The following RANBP2 variants were observed in gnomAD, a reference collection of about 807,000 sequenced individuals.
RANBP2 encodes the protein RAN binding protein 2.
RANBP2 carries 57 observed loss-of-function variants against 303.6 expected under a neutral mutation model. The ratio of observed to expected loss-of-function variants is 0.19; its 90% confidence interval spans 0.15 to 0.23. The LOEUF (loss-of-function observed/expected upper bound fraction) is 0.23. Ranked by LOEUF, RANBP2 falls within the 10% of genes least tolerant of loss-of-function variation. RANBP2 has a pLI of 1.00. For synonymous variants in RANBP2, 1,167 were observed against 1,301.5 expected (o/e 0.90, Z 2.23); for missense variants, 3,138 against 3,780.8 (o/e 0.83, Z 4.46).
At chr2:109,481,081 C>T in the RANBP2 span, among the ~76,000 whole-genome samples, 1 of 152,224 alleles carries the variant, frequency 6.6e-6, no homozygotes, top group South Asian at 2.1e-4. Flanking sequence ...TTCTCACCTG[C>T]TGCTGCCAAA....
At chr2:109,343,625 C>G in the RANBP2 span, among the ~76,000 whole-genome samples, 1 of 152,166 alleles carries the variant, frequency 6.6e-6, no homozygotes, top group African/African-American at 2.4e-5. Context: ...GCTCTCAGTA[C>G]CAGACTCGAG....
At chr2:108,847,368 G>A in the RANBP2 span, among the ~76,000 whole-genome samples, 208 of 152,332 alleles carry the variant, frequency 1.4e-3, no homozygotes, top group Non-Finnish European at 2.5e-3. Context: ...CAGTGACAGA[G>A]TTGAGTAGTT....
At chr2:109,777,347 TTAATC>T in the RANBP2 span, among the ~76,000 whole-genome samples, 14 of 147,686 alleles carry the variant, frequency 9.5e-5, no homozygotes, top group South Asian at 2.9e-3. Flanking sequence ...TTAATAGACT[TTAATC>T]TATTAATATA....
At chr2:109,668,676 A>G in the RANBP2 span, among the ~76,000 whole-genome samples, 1 of 152,232 alleles carries the variant, frequency 6.6e-6, no homozygotes, top group African/African-American at 2.4e-5. Flanking sequence ...AAGCAAAATG[A>G]AGGAAATGAT....
the RANBP2 span, among the ~76,000 whole-genome samples, chr2:109,177,107 A>G: frequency 6.6e-6 from 1 of 152,184 alleles, no homozygotes; most frequent in African/African-American, 2.4e-5. Context: ...TTACTGGGAA[A>G]GTCACTCGTG....
the RANBP2 span, among the ~76,000 whole-genome samples, chr2:109,655,543 C>G: frequency 1.3e-5 from 2 of 152,136 alleles, no homozygotes; most frequent in Admixed American, 6.5e-5. Context: ...ACTGCGGAGA[C>G]AGTGAGGCCT....
chr2:108,832,458 C>T, the RANBP2 span, among the ~76,000 whole-genome samples: 1 of 151,404 alleles, frequency 6.6e-6, no homozygotes, highest in Non-Finnish European at 1.5e-5. Flanking sequence ...AGCGATTCTC[C>T]TGCCTCGGCC....
the RANBP2 span, among the ~76,000 whole-genome samples, chr2:109,584,474 C>CA: frequency 0.37 from 26,516 of 71,078 alleles, 4,969 homozygotes; most frequent in East Asian, 0.45. Flanking sequence ...GACTCTGTCT[C>CA]AAAAAAAAAA....
chr2:109,051,680 G>A, the RANBP2 span, among the ~76,000 whole-genome samples: 11 of 151,974 alleles, frequency 7.2e-5, no homozygotes, highest in African/African-American at 2.7e-4. Flanking sequence ...AGGGCATTTG[G>A]CTGGCTAAGA....
chr2:109,713,784 T>C, the RANBP2 span, among the ~76,000 whole-genome samples: 2 of 152,322 alleles, frequency 1.3e-5, no homozygotes, highest in Admixed American at 1.3e-4. Flanking sequence ...ACATCATGAT[T>C]GAAAGCTCTC....
chr2:108,773,037 G>C lies in RANBP2; in HGVS notation c.8283G>C (p.Gln2761His), dbSNP rs1677619587. The C allele has an allele frequency of 3.7e-6, 6 of 1,610,868 alleles. No homozygotes were observed. The highest frequency in any genetic ancestry group is 4.2e-6 in the Non-Finnish European group (5 of 1,178,034). The change falls in exon 23 of 29, where the codon CAG becomes CAC. Residue 2761 changes from glutamine to histidine, a missense_variant. Physicochemically the swap from Gln to His is conservative, Grantham distance 24. Coordinates refer to ENST00000283195, the MANE Select transcript of RANBP2 (RefSeq NM_006267.5). ...TTCAATCAGAGCTTCAAAAAGTTCA[G>C]GAAGCTCAAGTAAGAACATCTCTAA... ...EDFQSELQKV[Q>H]EAQKSQTEEI...
chr2:109,117,727 C>T, the RANBP2 span, among the ~76,000 whole-genome samples: 39 of 132,706 alleles, frequency 2.9e-4, no homozygotes, highest in Non-Finnish European at 5.3e-4. Flanking sequence ...TCTTCTGCGT[C>T]GCTCACGTTG....
chr2:109,001,508 G>A, the RANBP2 span, among the ~76,000 whole-genome samples: 1 of 152,194 alleles, frequency 6.6e-6, no homozygotes, highest in Non-Finnish European at 1.5e-5. Context: ...GGACAAGAAG[G>A]GAGAGGGGGA....
At chr2:109,047,141 C>T in the RANBP2 span, among the ~76,000 whole-genome samples, 1 of 152,174 alleles carries the variant, frequency 6.6e-6, no homozygotes, top group African/African-American at 2.4e-5. Flanking sequence ...TTGCTTCCTG[C>T]CCTATGCCAC....
intron 9 of RANBP2, among the ~76,000 whole-genome samples, chr2:108,749,453 C>T (rs1416234516): frequency 9.2e-5 from 14 of 152,212 alleles, no homozygotes; most frequent in East Asian, 3.9e-4. Flanking sequence ...CCCGCCATCA[C>T]GCCCGGCTAA....
At chr2:109,270,001 G>A in the RANBP2 span, among the ~76,000 whole-genome samples, 1 of 152,236 alleles carries the variant, frequency 6.6e-6, no homozygotes, top group South Asian at 2.1e-4. Context: ...GAAAGAGAAT[G>A]TGATGAAATA....
At chr2:109,262,450 A>G in the RANBP2 span, among the ~76,000 whole-genome samples, 4 of 152,150 alleles carry the variant, frequency 2.6e-5, no homozygotes, top group African/African-American at 9.7e-5. Context: ...CCTGTGGGGT[A>G]CCCAAGAGCC....
the RANBP2 span, among the ~76,000 whole-genome samples, chr2:108,809,550 G>C: frequency 6.7e-6 from 1 of 149,742 alleles, no homozygotes; most frequent in Non-Finnish European, 1.5e-5. Context: ...CACTTCCTTG[G>C]TTAAATTTAT....
chr2:109,436,240 T>C, the RANBP2 span, among the ~76,000 whole-genome samples: 1 of 152,184 alleles, frequency 6.6e-6, no homozygotes, highest in Non-Finnish European at 1.5e-5. Flanking sequence ...AACTCTGCCA[T>C]ATTTCACATC....
Sources: allele counts gnomAD v4.1 joint callset (sites outside exome capture counted in the v4.1 genomes callset), GRCh38; gene constraint gnomAD v4.1.1; transcripts MANE v1.5; gene names NCBI Gene and HGNC (gene_info 2026-07-23, HGNC 2026-07-21).